The following COL27A1 variants were observed in gnomAD, a reference collection of about 807,000 sequenced individuals.
The protein encoded by COL27A1 is collagen type XXVII alpha 1 chain.
COL27A1 carries 106 observed loss-of-function variants against 251.3 expected under a neutral mutation model. That is an observed-to-expected ratio of 0.42 (90% CI 0.36 to 0.50). The LOEUF (loss-of-function observed/expected upper bound fraction) is 0.50. Among genes scored for constraint, COL27A1 ranks in the 20% least tolerant of loss-of-function variants. The probability of loss-of-function intolerance (pLI) is 0.00; values close to 1 mark genes in which losing one functional copy is unlikely to be tolerated. For synonymous variants in COL27A1, 1,000 were observed against 986.3 expected (o/e 1.01, Z -0.26); for missense variants, 2,325 against 2,522.8 (o/e 0.92, Z 1.68).
chr9:114,167,761 C>T lies in COL27A1; in HGVS notation c.206C>T (p.Pro69Leu), dbSNP rs1484731004. The T allele has an allele frequency of 1.2e-6, 2 of 1,613,746 alleles. No individual in the cohort carries two copies. Among genetic ancestry groups the T allele is most frequent in the Non-Finnish European group, 1.7e-6 (2 of 1,180,022 alleles). The change falls in exon 3 of 61, where the codon CCT (proline) becomes CTT (leucine). Residue 69 changes from proline (P) to leucine (L), a missense_variant. Coordinates refer to ENST00000356083, the MANE Select transcript of COL27A1 (RefSeq NM_032888.4). ...AGCCCTGCACCCCCGGGAGTCATTC[C>T]TTTCCAGTCGGGCTTCATCTTTACG... ...AGSPAPPGVI[P>L]FQSGFIFTQR... is the part of the protein sequence containing the mutation.
In COL27A1 at chr9:114,290,219, C is replaced by CCCAGGGCCTGCAGGGGCTG; in HGVS notation, c.4265_4283dup. On this transcript the variant is annotated splice_polypyrimidine_tract_variant and splice_region_variant and intron_variant, in intron 46 of 60. Coordinates refer to ENST00000356083, the MANE Select transcript of COL27A1 (RefSeq NM_032888.4). The surrounding 1 kb of genome is among the most constrained non-coding windows in gnomAD (Gnocchi z 4.6). ...GCCCTCACCAGCTTTTTATGTACCCCCCAGGGCCTGCAGGGGCTGCCAGGG... is the reference window on the plus strand; with the variant it reads ...GCCCTCACCAGCTTTTTATGTACCCCCCAGGGCCTGCAGGGGCTGCCAGGGCCTGCAGGGGCTGCCAGGG... The CCCAGGGCCTGCAGGGGCTG allele has an allele frequency of 6.3e-7, 1 of 1,574,860 alleles. No individual in the cohort carries two copies. The highest frequency in any genetic ancestry group is 8.6e-7 in the Non-Finnish European group (1 of 1,159,796).
chr9:114,235,079 C>A (rs868173830), intron 16 of COL27A1, among the ~76,000 whole-genome samples: 338 of 88,018 alleles, frequency 3.8e-3, no homozygotes, highest in Middle Eastern at 6.9e-3. Context: ...GACTCCATCT[C>A]AAAAAAAAAA....
chr9:114,264,300 C>T (rs1248333397), intron 28 of COL27A1, 55 bp from the exon 29 acceptor site: 13 of 1,414,474 alleles, frequency 9.2e-6, no homozygotes, highest in South Asian at 5.7e-5. Context: ...TCCTGGTTCT[C>T]CGCCCGAGGG....
At chr9:114,271,041 G>A in intron 36 of COL27A1, 2 of 485,090 alleles carry the variant, frequency 4.1e-6, no homozygotes, top group East Asian at 7.6e-5. Flanking sequence ...TAAAATATCA[G>A]CTTCTCTTGG....
At position 114,289,279 on chromosome 9, in the gene COL27A1, G is replaced by A. The variant is rs868172921; in HGVS notation, c.4190G>A (p.Gly1397Glu). 1 of 1,593,684 alleles carries A rather than the reference G, an allele frequency of 6.3e-7. No individual in the cohort carries two copies. Among genetic ancestry groups the A allele is most frequent in the Non-Finnish European group, 8.5e-7 (1 of 1,172,310 alleles). The change falls in exon 45 of 61, where the codon GGA becomes GAA. Residue 1397 changes from glycine to glutamate, a missense_variant. Around this residue, in one of 4 missense-constraint regions of COL27A1, gnomAD observed 662 missense variants for 795.3 expected, o/e 0.83. Coordinates refer to ENST00000356083, the MANE Select transcript of COL27A1 (RefSeq NM_032888.4). ...CCCCGGGGGTGGCCGGGACCCAAAG[G>A]ATCGAAAGGCGCAGAGGTAAGAGGG... is the stretch of plus-strand genomic sequence containing the variant. ...PGPRGWPGPK[G>E]SKGAEGPKGK... is the part of the protein sequence containing the mutation.
At chr9:114,215,866 T>C (rs925802827) in intron 12 of COL27A1, among the ~76,000 whole-genome samples, 7 of 152,240 alleles carry the variant, frequency 4.6e-5, no homozygotes, top group African/African-American at 1.7e-4. Flanking sequence ...AGCCCAGCCC[T>C]GCCAGGTGAG....
chr9:114,158,904 C>G (rs1848306663), intron 1 of COL27A1, among the ~76,000 whole-genome samples: 1 of 152,258 alleles, frequency 6.6e-6, no homozygotes, highest in Non-Finnish European at 1.5e-5. Context: ...AAGTCATAGA[C>G]TTGAAGCACT....
At chr9:114,293,165 C>T (rs910675649) in intron 49 of COL27A1, among the ~76,000 whole-genome samples, 14 of 152,172 alleles carry the variant, frequency 9.2e-5, no homozygotes, top group Non-Finnish European at 1.6e-4. Context: ...TCATTCAGAA[C>T]ATTTACCAAG....
intron 35 of COL27A1, among the ~76,000 whole-genome samples, chr9:114,270,387 G>A (rs1835060971): frequency 6.6e-6 from 1 of 152,218 alleles, no homozygotes; most frequent in Non-Finnish European, 1.5e-5. Flanking sequence ...CAGCCAACCA[G>A]CCTAGAGATG....
chr9:114,167,234 A>G (rs1406365173), intron 2 of COL27A1, among the ~76,000 whole-genome samples: 2 of 152,180 alleles, frequency 1.3e-5, no homozygotes, highest in Non-Finnish European at 2.9e-5. Context: ...TTTGGTTATT[A>G]TCATTATTTT....
chr9:114,156,098 C>T (rs1326378488), intron 1 of COL27A1, 86 bp downstream of exon 1: 3 of 1,287,268 alleles, frequency 2.3e-6, no homozygotes, highest in Non-Finnish European at 3.0e-6. Context: ...CATGCGGTCG[C>T]TTCCAGCGGA....
In COL27A1 at chr9:114,169,363, G is replaced by C. The variant is rs745381915; in HGVS notation, c.1808G>C (p.Arg603Pro). ...APAQFLSSSPRPTSSGYSIFH... is the reference protein window; with the variant it reads ...APAQFLSSSPPPTSSGYSIFH... ...GCGCAATTCCTGTCCTCCAGCCCCC[G>C]GCCCACGAGCAGTGGCTATTCGATC... Residue 603 changes from arginine to proline, a missense_variant, in exon 3 of 61, where the codon CGG becomes CCG. Physicochemically the swap from Arg to Pro is moderately radical, Grantham distance 103 (BLOSUM62 -2). This residue lies in a region of COL27A1 where 1,183 missense variants were observed against 1,144.1 expected (regional missense o/e 1.03). Coordinates refer to ENST00000356083, the MANE Select transcript of COL27A1 (RefSeq NM_032888.4). 1.2e-6 allele frequency: 2 copies of C among 1,611,920 alleles called. No individual in the cohort carries two copies. Among genetic ancestry groups the C allele is most frequent in the Non-Finnish European group, 8.5e-7 (1 of 1,179,576 alleles).
At position 114,178,334 on chromosome 9, in the gene COL27A1, G is replaced by T. The variant is rs376853468; in HGVS notation, c.1952G>T (p.Arg651Leu). The T allele has an allele frequency of 6.2e-7, 1 of 1,613,984 alleles. No homozygotes were observed. Among genetic ancestry groups the T allele is most frequent in the East Asian group, 2.2e-5 (1 of 44,866 alleles). ...LPGLPGIPGA[R>L]GPRGPPGPYG... Reference sequence around the variant, plus strand: ...GGGCTACCTGGAATCCCTGGTGCACGTGGGCCTCGGGTGAGTTATCTCACA... The same window carrying T: ...GGGCTACCTGGAATCCCTGGTGCACTTGGGCCTCGGGTGAGTTATCTCACA... Residue 651 changes from arginine (R) to leucine (L), a missense_variant, in exon 4 of 61, where the codon CGT becomes CTT. Coordinates refer to ENST00000356083, the MANE Select transcript of COL27A1 (RefSeq NM_032888.4).
At chr9:114,222,325 C>A in intron 14 of COL27A1, 58 bp downstream of exon 14, 1 of 1,518,838 alleles carries the variant, frequency 6.6e-7, no homozygotes, top group Non-Finnish European at 9.1e-7. Context: ...AGGGTGGAGC[C>A]AGCGTGTGGG....
intron 14 of COL27A1, among the ~76,000 whole-genome samples, chr9:114,226,503 G>C (rs997898672): frequency 3.9e-5 from 6 of 152,192 alleles, no homozygotes; most frequent in Non-Finnish European, 8.8e-5. Flanking sequence ...ACTCTCCACT[G>C]TTGTACTATA....
intron 13 of COL27A1, 139 bp from the exon 14 acceptor site, chr9:114,222,084 C>G (rs1042335360): frequency 1.5e-6 from 1 of 671,094 alleles, no homozygotes; most frequent in Non-Finnish European, 2.7e-6. Context: ...TCAGGAAAGT[C>G]GCTGGAGCCT....
intron 19 of COL27A1, among the ~76,000 whole-genome samples, 176 bp from the exon 20 acceptor site, chr9:114,240,044 A>AC (rs1287360360): frequency 6.6e-6 from 1 of 152,190 alleles, no homozygotes; most frequent in East Asian, 1.9e-4. Context: ...CAGGGCTGGA[A>AC]CCATGCACCC....
chr9:114,188,074 A>T (rs1323978773), intron 5 of COL27A1, among the ~76,000 whole-genome samples: 1 of 152,216 alleles, frequency 6.6e-6, no homozygotes, highest in Non-Finnish European at 1.5e-5. Flanking sequence ...TGGTAGAAGA[A>T]AACAGCTTTA....
chr9:114,167,797 G>T lies in COL27A1; in HGVS notation c.242G>T (p.Arg81Leu). 6.2e-7 allele frequency: 1 copy of T among 1,613,472 alleles called. No individual in the cohort carries two copies. The highest frequency in any genetic ancestry group is 8.5e-7 in the Non-Finnish European group (1 of 1,179,986). The change falls in exon 3 of 61, where the codon CGG (arginine) becomes CTG (leucine). Residue 81 changes from arginine to leucine, a missense_variant. Physicochemically the swap from Arg to Leu is moderately radical, Grantham distance 102 (BLOSUM62 -2). Coordinates refer to ENST00000356083, the MANE Select transcript of COL27A1 (RefSeq NM_032888.4). ...GGCTTCATCTTTACGCAGCGGGCCC[G>T]GCTCCAGGCTCCCACGGGCACCGTC... ...QSGFIFTQRA[R>L]LQAPTGTVIP...
Sources: allele counts gnomAD v4.1 joint callset (sites outside exome capture counted in the v4.1 genomes callset), GRCh38; gene constraint gnomAD v4.1.1; regional missense constraint gnomAD v4.1.1; non-coding constraint Gnocchi (gnomAD v3.1); transcripts MANE v1.5; gene names NCBI Gene and HGNC (gene_info 2026-07-23, HGNC 2026-07-21).